ST8SIA6: variants seen among roughly 807,000 people sequenced by gnomAD.
The protein encoded by ST8SIA6 is alpha-2,8-sialyltransferase 8F.
A neutral mutation model predicts 33.6 loss-of-function variants in ST8SIA6; 39 were observed. The ratio of observed to expected loss-of-function variants is 1.16; its 90% CI spans 0.90 to 1.52. The LOEUF (loss-of-function observed/expected upper bound fraction) is 1.52, where lower values mean the gene tolerates loss of function less well. Among genes scored for constraint, ST8SIA6 ranks in the 40% most tolerant of loss-of-function variants. The pLI is 0.00. For synonymous variants in ST8SIA6, 172 were observed against 167.2 expected, an observed-to-expected ratio of 1.03 and a Z score of -0.22; for missense variants, 441 against 443.8, an observed-to-expected ratio of 0.99 and a Z score of 0.06.
At chr10:17,390,861 CT>C (rs58598287) in intron 2 of ST8SIA6, among the ~76,000 whole-genome samples, 43,055 of 140,084 alleles carry the variant, frequency 0.31, 6,978 homozygotes, top group East Asian at 0.59. Context: ...TTTTGAAGAC[CT>C]TTTTTTTTTT....
intron 5 of ST8SIA6, among the ~76,000 whole-genome samples, chr10:17,330,051 T>C (rs113286843): frequency 0.026 from 3,928 of 152,238 alleles, 68 homozygotes; most frequent in African/African-American, 0.047. Flanking sequence ...GAGCCCCGTC[T>C]ATGAAAGGAG....
intron 6 of ST8SIA6, among the ~76,000 whole-genome samples, chr10:17,324,754 T>TCATGGTTTGTACCATACCATGCATG (rs1848066860): frequency 7.0e-6 from 1 of 141,972 alleles, no homozygotes; most frequent in African/African-American, 2.8e-5. Flanking sequence ...GTAGTATAGG[T>TCATGGTTTGTACCATACCATGCATG]CATGGTATGT....
At chr10:17,402,328 G>A (rs1851076794) in intron 2 of ST8SIA6, among the ~76,000 whole-genome samples, 1 of 152,232 alleles carries the variant, frequency 6.6e-6, no homozygotes, top group Admixed American at 6.5e-5. Flanking sequence ...TACACTGTTG[G>A]TGGGACTGTA....
In ST8SIA6 at chr10:17,321,244, C is replaced by T. The variant is rs199867960; in HGVS notation, c.831G>A (p.Thr277=). ...TGTAGTATACTTTGAAAGAGGTACC[C>T]GTGTTGGCCCTGAAGGAAAATGCTG... ...LLPAFSFRAN[T]GTSFKVYYTL... Residue 277 remains threonine, a synonymous_variant, in exon 8 of 8, where the codon ACG becomes ACA. Transcript: ENST00000377602. 195 of 1,613,862 alleles carry T rather than the reference C, an allele frequency of 1.2e-4. No individual in the cohort carries two copies. The highest frequency in any genetic ancestry group is 2.7e-4 in the East Asian group (12 of 44,870).
chr10:17,381,431 A>G (rs1316340680), intron 3 of ST8SIA6, among the ~76,000 whole-genome samples: 4 of 152,096 alleles, frequency 2.6e-5, no homozygotes, highest in Non-Finnish European at 4.4e-5. Flanking sequence ...TGTGTACACA[A>G]TGTTTCACTA....
chr10:17,447,672 T>C (rs949518323), intron 2 of ST8SIA6, among the ~76,000 whole-genome samples: 1 of 152,134 alleles, frequency 6.6e-6, no homozygotes, highest in African/African-American at 2.4e-5. Context: ...TACTAGGTTG[T>C]TAAGCAATAA....
Position 17,333,910 on chromosome 10 carries a change from C to T in ST8SIA6, c.378-2358G>A, listed in dbSNP as rs576527399. Among the ~76,000 whole-genome samples the T allele has an allele frequency of 1.5e-3, 220 of 149,530 alleles. 1 individual carries two copies. Among genetic ancestry groups the T allele is most frequent in the African/African-American group, 5.2e-3 (211 of 40,726 alleles). On this transcript the variant is annotated intron_variant, in intron 4 of 7. Transcript: ENST00000377602. ...CTAATTTTTGTATTTTTAGTAAGGA[C>T]AGGGTCCAACCATGTTGGCCAGGCT...
At chr10:17,401,119 A>G (rs1851022773) in intron 2 of ST8SIA6, among the ~76,000 whole-genome samples, 1 of 152,196 alleles carries the variant, frequency 6.6e-6, no homozygotes, top group South Asian at 2.1e-4. Context: ...AATCACAAGC[A>G]TTCTTATACA....
intron 4 of ST8SIA6, among the ~76,000 whole-genome samples, chr10:17,341,073 T>C (rs957933000): frequency 4.6e-5 from 7 of 152,216 alleles, no homozygotes; most frequent in Non-Finnish European, 8.8e-5. Context: ...TTAGAGGCCA[T>C]TGAAGTCAGG....
At chr10:17,327,205 T>A in intron 5 of ST8SIA6, 79 bp from the exon 6 acceptor site, 1 of 1,039,456 alleles carries the variant, frequency 9.6e-7, no homozygotes, top group Non-Finnish European at 1.4e-6. Context: ...TCTAGTAACT[T>A]AACTCTTTAT....
rs12354751 is a variant in ST8SIA6 at position 17,323,170 on chromosome 10, A to G, written c.636-13T>C. On this transcript the variant is annotated splice_polypyrimidine_tract_variant and intron_variant, in intron 6 of 7. Coordinates refer to ENST00000377602, the MANE Select transcript of ST8SIA6 (RefSeq NM_001004470.3). Reference sequence around the variant, plus strand: ...GGGTAGGTTACACCTGAAATTTGAAAAGAAAATCATTTTCAAAATAGAACT... The same window carrying G: ...GGGTAGGTTACACCTGAAATTTGAAGAGAAAATCATTTTCAAAATAGAACT... 0.28 allele frequency: 448,454 copies of G among 1,608,204 alleles called. 66,133 individuals are homozygous for G. Among genetic ancestry groups the G allele is most frequent in the Middle Eastern group, 0.41 (2,411 of 5,924 alleles).
At chr10:17,399,850 G>A (rs1850971258) in intron 2 of ST8SIA6, among the ~76,000 whole-genome samples, 1 of 151,366 alleles carries the variant, frequency 6.6e-6, no homozygotes, top group African/African-American at 2.4e-5. Context: ...TCTGGGAGGT[G>A]GAGACTGCAG....
At chr10:17,405,884 CAAAAAAAAAA>C (rs10546412) in intron 2 of ST8SIA6, among the ~76,000 whole-genome samples, 2 of 85,360 alleles carry the variant, frequency 2.3e-5, no homozygotes, top group African/African-American at 7.1e-5. Context: ...GACTCCATTT[CAAAAAAAAAA>C]AAAAAAAAGA....
chr10:17,361,088 G>C (rs568490239), intron 3 of ST8SIA6, among the ~76,000 whole-genome samples: 3 of 151,866 alleles, frequency 2.0e-5, no homozygotes, highest in Admixed American at 2.0e-4. Context: ...AAGTTAGAAG[G>C]GCTATATTCA....
At chr10:17,347,970 A>AAAAAAAAAAAAAAAAAAAAAAAG (rs1161573411) in intron 4 of ST8SIA6, among the ~76,000 whole-genome samples, 3 of 151,326 alleles carry the variant, frequency 2.0e-5, no homozygotes, top group African/African-American at 7.3e-5. Context: ...AAAAAAAAAA[A>AAAAAAAAAAAAAAAAAAAAAAAG]AAAAATTAAA....
chr10:17,323,360 G>C (rs1184448956), intron 6 of ST8SIA6, among the ~76,000 whole-genome samples: 1 of 131,920 alleles, frequency 7.6e-6, no homozygotes, highest in Non-Finnish European at 1.6e-5. Flanking sequence ...TCAGTTCTTA[G>C]TTGACATTTC....
chr10:17,352,778 C>T (rs1279447925), intron 4 of ST8SIA6, among the ~76,000 whole-genome samples: 2 of 152,042 alleles, frequency 1.3e-5, no homozygotes, highest in Non-Finnish European at 2.9e-5. Flanking sequence ...GAAGTAATGA[C>T]ATGGTGTGGT....
At chr10:17,328,277 G>A (rs898460299) in intron 5 of ST8SIA6, among the ~76,000 whole-genome samples, 1 of 152,166 alleles carries the variant, frequency 6.6e-6, no homozygotes, top group Non-Finnish European at 1.5e-5. Context: ...CCGTCTCTGC[G>A]AATGACCAGC....
intron 4 of ST8SIA6, among the ~76,000 whole-genome samples, chr10:17,343,065 A>C (rs1588810601): frequency 6.6e-6 from 1 of 152,174 alleles, no homozygotes; most frequent in South Asian, 2.1e-4. Flanking sequence ...TCCTTTCGCA[A>C]ATATTCATCA....
Sources: gnomAD v4.1 joint callset for allele counts (sites outside exome capture counted in the v4.1 genomes callset) on GRCh38, gnomAD v4.1.1 for gene constraint, MANE v1.5 for transcripts, NCBI Gene and HGNC (gene_info 2026-07-23, HGNC 2026-07-21) for gene names.